The following RIN2 variants were observed in gnomAD, a reference collection of about 807,000 sequenced individuals.
RIN2 encodes Ras and Rab interactor 2.
In RIN2, 36 loss-of-function variants were observed where a neutral mutation model predicts 78.0. The ratio of observed to expected loss-of-function variants is 0.46; its 90% CI spans 0.35 to 0.61. The LOEUF is 0.61. Among genes scored for constraint, RIN2 ranks in the 20% least tolerant of loss-of-function variants. The pLI, the probability that RIN2 is intolerant of heterozygous loss-of-function variation, is 0.00. For synonymous variants in RIN2, 466 were observed against 466.8 expected (o/e 1.00, Z 0.02); for missense variants, 1,087 against 1,159.7 (o/e 0.94, Z 0.91).
chr20:19,956,813 A>T lies in RIN2; in HGVS notation c.351+6A>T, dbSNP rs778923504. ...TGCAGGCCCAGCCTCCGGGGGTAAGACTCAGAACCTCGGGAAGCAGGTTGA... is the reference window on the plus strand; with the variant it reads ...TGCAGGCCCAGCCTCCGGGGGTAAGTCTCAGAACCTCGGGAAGCAGGTTGA... On this transcript the variant is annotated splice_donor_region_variant and intron_variant, in intron 5 of 12. Transcript: ENST00000255006. 6 of 1,553,900 alleles carry T rather than the reference A, an allele frequency of 3.9e-6. No homozygotes were observed. In the South Asian group the frequency reaches 7.1e-5, roughly 18 times the overall value.
chr20:19,962,917 G>T lies in RIN2; in HGVS notation c.464-2035G>T, dbSNP rs112484365. Among the ~76,000 whole-genome samples the T allele has an allele frequency of 3.2e-4, 49 of 151,910 alleles. 1 individual carries two copies. The South Asian group carries it at 8.3e-3, about 26-fold the overall frequency. On this transcript the variant is annotated intron_variant, in intron 6 of 12. Coordinates refer to ENST00000255006, the MANE Select transcript of RIN2 (RefSeq NM_018993.4). ...GGTTGCAGTGATCCGAGATAGTGCC[G>T]TTGCACTCTCCAGCCTGGGCGACAG...
At chr20:19,865,036 C>T (rs917952540) in intron 2 of RIN2, among the ~76,000 whole-genome samples, 1 of 152,164 alleles carries the variant, frequency 6.6e-6, no homozygotes, top group Admixed American at 6.5e-5. Context: ...ATCCCTTTTA[C>T]ATCAAAGATG....
chr20:19,889,641 C>T lies in RIN2; in HGVS notation c.40C>T (p.Arg14Ter), dbSNP rs777979761. 30 of 1,523,986 alleles carry T rather than the reference C, an allele frequency of 2.0e-5. No individual in the cohort carries two copies. Among genetic ancestry groups the T allele is most frequent in the African/African-American group, 8.4e-5 (6 of 71,852 alleles). The allele number at this position is 1,523,986 out of a possible 1,614,324, so 94.4% of individuals were successfully genotyped here. The change falls in exon 3 of 13, where the codon CGA becomes TGA. Residue 14 changes from arginine to a stop codon, truncating the protein, a stop_gained. Coordinates refer to ENST00000255006, the MANE Select transcript of RIN2 (RefSeq NM_018993.4). LOFTEE classifies it high-confidence loss of function. ...WTMGARGLDK[R>*]GSFFKLIDTI... is the part of the protein sequence containing the mutation. ...CATGGGCGCCCGCGGTCTGGACAAG[C>T]GAGGAAGTTTCTTTAAGGTAAAAGG... is the stretch of plus-strand genomic sequence containing the variant.
intron 2 of RIN2, among the ~76,000 whole-genome samples, chr20:19,834,969 A>AGAG (rs758087526): frequency 9.8e-5 from 12 of 122,570 alleles, no homozygotes; most frequent in Admixed American, 4.1e-4. Context: ...GAGAGAGAGA[A>AGAG]AGAAAGAAAG....
chr20:19,802,022 A>G (rs1455039538), intron 2 of RIN2, among the ~76,000 whole-genome samples: 2 of 152,230 alleles, frequency 1.3e-5, no homozygotes, highest in Non-Finnish European at 2.9e-5. Flanking sequence ...ACTCTGAGAT[A>G]CGATATTTCA....
intron 2 of RIN2, among the ~76,000 whole-genome samples, chr20:19,884,398 TGGGCAACAGAGCGA>T (rs954272570): frequency 2.4e-4 from 36 of 152,180 alleles, no homozygotes; most frequent in African/African-American, 7.7e-4. Flanking sequence ...CACTCCAGCC[TGGGCAACAGAGCGA>T]GACCCTGTCT....
chr20:19,996,704 T>C lies in RIN2; in HGVS notation c.2226T>C (p.Tyr742=), dbSNP rs752851742. The part of the protein sequence containing the change: ...GEGGYYLTSA[Y]GALSLIKNFQ... Reference sequence around the variant, plus strand: ...GAGGCTATTACTTGACAAGCGCATATGGAGCACTTTCTCTGATAAAGAATT... The same window carrying C: ...GAGGCTATTACTTGACAAGCGCATACGGAGCACTTTCTCTGATAAAGAATT... Residue 742 remains tyrosine (Y), a synonymous_variant, in exon 12 of 13, where the codon TAT becomes TAC. Transcript: ENST00000255006. 1 of 1,614,052 alleles carries C rather than the reference T, an allele frequency of 6.2e-7. No individual in the cohort carries two copies. The highest frequency in any genetic ancestry group is 8.5e-7 in the Non-Finnish European group (1 of 1,179,896).
At chr20:19,858,817 G>T (rs910286591) in intron 2 of RIN2, among the ~76,000 whole-genome samples, 2 of 152,136 alleles carry the variant, frequency 1.3e-5, no homozygotes, top group Non-Finnish European at 2.9e-5. Flanking sequence ...AAATGTTTGG[G>T]TCTGCTTTTC....
intron 1 of RIN2, among the ~76,000 whole-genome samples, chr20:19,791,208 A>G (rs1471189925): frequency 6.6e-6 from 1 of 152,230 alleles, no homozygotes; most frequent in African/African-American, 2.4e-5. Context: ...GAAAAATAGA[A>G]TTAGAAATGA....
Position 19,953,654 on chromosome 20 carries a change from G to T in RIN2, c.159-2961G>T, listed in dbSNP as rs539839923. ...AGGGATTCACCATGTTGGCCAGGCT[G>T]ATCTTGAACTCCTGGTCTCAGATGA... On this transcript the variant is annotated intron_variant, in intron 4 of 12. Transcript: ENST00000255006. 2.6e-5 allele frequency among the ~76,000 whole-genome samples: 4 copies of T among 152,100 alleles called. No homozygotes were observed. In the East Asian group the frequency reaches 7.7e-4, roughly 29 times the overall value.
chr20:19,952,100 C>T (rs1196352534), intron 4 of RIN2, among the ~76,000 whole-genome samples: 1 of 152,206 alleles, frequency 6.6e-6, no homozygotes, highest in Non-Finnish European at 1.5e-5. Flanking sequence ...GACGTGGGCT[C>T]TGCCTGGTCC....
intron 3 of RIN2, among the ~76,000 whole-genome samples, chr20:19,899,147 A>G (rs2038868604): frequency 1.3e-5 from 2 of 152,166 alleles, no homozygotes; most frequent in South Asian, 4.1e-4. Context: ...ATCCCCAACC[A>G]AGGATTTTTG....
chr20:19,763,205 T>G (rs948492898), intron 1 of RIN2, among the ~76,000 whole-genome samples: 2 of 152,042 alleles, frequency 1.3e-5, no homozygotes, highest in African/African-American at 4.8e-5. Context: ...ACCAACATGG[T>G]GAAACCCTGT....
chr20:19,829,401 A>G (rs1376906945), intron 2 of RIN2, among the ~76,000 whole-genome samples: 1 of 152,210 alleles, frequency 6.6e-6, no homozygotes, highest in African/African-American at 2.4e-5. Context: ...ACCCTCTGTA[A>G]TAACTATGCT....
Position 20,001,249 on chromosome 20 carries a change from C to T in RIN2, c.*313C>T, listed in dbSNP as rs888026366. On this transcript the variant is annotated 3_prime_UTR_variant, in exon 13 of 13. Transcript: ENST00000255006. ...CAGGTATGTATATGTGCAGAAGAAA[C>T]ACTTAAGATACAAGTTCTTTTGAAT... The T allele has an allele frequency of 4.2e-5, 11 of 264,590 alleles. No individual in the cohort carries two copies. Among genetic ancestry groups the T allele is most frequent in the African/African-American group, 1.7e-4 (8 of 46,290 alleles). The allele number at this position is 264,590 out of a possible 1,614,324, so 16.4% of individuals were successfully genotyped here. A position where few individuals can be genotyped will look rare whatever the true frequency, so the allele number is the denominator to read the frequency against.
At chr20:19,886,391 G>A (rs2038190808) in intron 2 of RIN2, 1 of 322,164 alleles carries the variant, frequency 3.1e-6, no homozygotes, top group East Asian at 5.1e-5. Flanking sequence ...TCGCTCTTGG[G>A]GCCACACGGA....
At chr20:19,952,282 G>C (rs889729272) in intron 4 of RIN2, among the ~76,000 whole-genome samples, 33 of 152,194 alleles carry the variant, frequency 2.2e-4, no homozygotes, top group African/African-American at 7.5e-4. Context: ...GAGAAGAGGG[G>C]CAGCTGTGAG....
intron 1 of RIN2, among the ~76,000 whole-genome samples, chr20:19,761,514 A>G (rs2033640884): frequency 6.6e-6 from 1 of 152,090 alleles, no homozygotes; most frequent in South Asian, 2.1e-4. Flanking sequence ...GCCACAGAAC[A>G]CTCTTTCTCA....
chr20:19,759,506 T>C (rs78934901), intron 1 of RIN2, among the ~76,000 whole-genome samples: 20 of 152,244 alleles, frequency 1.3e-4, no homozygotes, highest in African/African-American at 3.9e-4. Flanking sequence ...CAAAACCAAA[T>C]TGAATGTAAA....
Sources: allele counts gnomAD v4.1 joint callset (sites outside exome capture counted in the v4.1 genomes callset), GRCh38; gene constraint gnomAD v4.1.1; transcripts MANE v1.5; gene names NCBI Gene and HGNC (gene_info 2026-07-23, HGNC 2026-07-21).